SZRD1: variants seen among roughly 807,000 people sequenced by gnomAD.
SZRD1 encodes SUZ RNA-binding domain-containing.
SZRD1 carries 7 observed loss-of-function variants against 17.6 expected under a neutral mutation model. The observed-to-expected ratio is 0.40, with a 90% CI of 0.23 to 0.75. The LOEUF (loss-of-function observed/expected upper bound fraction) is 0.75. SZRD1 is among the 30% of genes least tolerant of loss of function. SZRD1 has a pLI of 0.38. For synonymous variants in SZRD1, 77 were observed against 77.9 expected (o/e 0.99, Z 0.06); for missense variants, 178 against 201.8 (o/e 0.88, Z 0.71).
Position 16,395,460 on chromosome 1 carries a change from T to A in SZRD1, c.*320T>A, listed in dbSNP as rs1196624665. On this transcript the variant is annotated 3_prime_UTR_variant, in exon 4 of 4. Transcript: ENST00000401088. The stretch of plus-strand genomic sequence containing the variant: ...GAGTCAGACAGTGCCACTTGGCCAC[T>A]TGGGGTAAAGCCAGTGCCAGCAATA... The A allele has an allele frequency of 1.1e-5, 4 of 375,760 alleles. No homozygotes were observed. In the East Asian group the frequency reaches 2.2e-4, roughly 21 times the overall value. 23.3% of individuals were successfully genotyped at this position (375,760 alleles called of 1,614,324 possible). A position where few individuals can be genotyped will look rare whatever the true frequency, so the allele number is the denominator to read the frequency against.
chr1:16,369,555 G>T (rs189402623), intron 1 of SZRD1: 146 of 711,040 alleles, frequency 2.1e-4, no homozygotes, highest in East Asian at 7.8e-4. Flanking sequence ...CAGAAAGCCA[G>T]AGTTCTTTCT....
chr1:16,383,348 G>A (rs2100726724), intron 1 of SZRD1, among the ~76,000 whole-genome samples: 1 of 151,978 alleles, frequency 6.6e-6, no homozygotes, highest in East Asian at 1.9e-4. Context: ...AGCCTCCCAA[G>A]TAGCTGGGAC....
chr1:16,374,869 A>G (rs533332703), intron 1 of SZRD1, among the ~76,000 whole-genome samples: 8 of 150,772 alleles, frequency 5.3e-5, no homozygotes, highest in Admixed American at 1.3e-4. Flanking sequence ...TCTCTTCTTG[A>G]GTGTTTTTGT....
intron 1 of SZRD1, among the ~76,000 whole-genome samples, chr1:16,373,130 G>T (rs2082941070): frequency 6.6e-6 from 1 of 151,950 alleles, no homozygotes; most frequent in African/African-American, 2.4e-5. Flanking sequence ...AGTGGAAAGA[G>T]ATGAGACCAC....
intron 3 of SZRD1, among the ~76,000 whole-genome samples, chr1:16,394,548 C>T (rs1442577209): frequency 6.6e-6 from 1 of 152,322 alleles, no homozygotes; most frequent in Admixed American, 6.5e-5. Flanking sequence ...TGAATGTGCA[C>T]CACCGACCCT....
chr1:16,370,290 A>G lies in SZRD1; in HGVS notation c.51+2982A>G, dbSNP rs1005820442. Among the ~76,000 whole-genome samples, 8 of 150,788 alleles carry G rather than the reference A, an allele frequency of 5.3e-5. No homozygotes were observed. In the East Asian group the frequency reaches 7.8e-4, roughly 15 times the overall value. The stretch of plus-strand genomic sequence containing the variant: ...GCCCAGGCTGGAGTGCAGTGGCTCA[A>G]TCTCATCTCACTGCAACCTCTACCT... On this transcript the variant is annotated intron_variant, in intron 1 of 3. Coordinates refer to ENST00000401088, the MANE Select transcript of SZRD1 (RefSeq NM_001114600.3).
chr1:16,375,857 C>A (rs1223443442), intron 1 of SZRD1, among the ~76,000 whole-genome samples: 1 of 152,214 alleles, frequency 6.6e-6, no homozygotes, highest in African/African-American at 2.4e-5. Context: ...ACTGTCACCA[C>A]TCTTCACTGA....
At chr1:16,369,599 T>G (rs1339912630) in intron 1 of SZRD1, 2 of 613,602 alleles carry the variant, frequency 3.3e-6, no homozygotes, top group African/African-American at 1.9e-5. Context: ...CCTTTAAAAA[T>G]GTACCGCGGC....
intron 1 of SZRD1, among the ~76,000 whole-genome samples, chr1:16,378,349 G>C (rs1288969498): frequency 3.5e-5 from 5 of 143,776 alleles, no homozygotes; most frequent in Non-Finnish European, 7.5e-5. Flanking sequence ...GCAGTGGTGT[G>C]ATCAGCTCAC....
Position 16,393,191 on chromosome 1 carries a change from G to A in SZRD1, c.102-37G>A, listed in dbSNP as rs776355896. ...ACATGGACAGGGCCTCCTTAGTCAG[G>A]AGCATGATTTGTGAAGCTGTGTTTG... On this transcript the variant is annotated intron_variant, in intron 2 of 3. Transcript: ENST00000401088. The surrounding 1 kb of genome is among the most constrained non-coding windows in gnomAD (Gnocchi z 5.6). The A allele has an allele frequency of 1.7e-5, 27 of 1,607,300 alleles. No individual in the cohort carries two copies. Among genetic ancestry groups the A allele is most frequent in the Non-Finnish European group, 2.2e-5 (26 of 1,175,190 alleles).
chr1:16,375,087 A>C (rs2082977048), intron 1 of SZRD1, among the ~76,000 whole-genome samples: 1 of 152,128 alleles, frequency 6.6e-6, no homozygotes, highest in Non-Finnish European at 1.5e-5. Context: ...TGTGTTGGCT[A>C]GGCCGGTCTC....
In SZRD1 at chr1:16,395,155, A is replaced by C; in HGVS notation, c.*15A>C. 7 of 1,590,636 alleles carry C rather than the reference A, an allele frequency of 4.4e-6. 1 individual carries two copies. The South Asian group carries it at 6.6e-5, about 15-fold the overall frequency. On this transcript the variant is annotated 3_prime_UTR_variant, in exon 4 of 4. Transcript: ENST00000401088. ...AGCGCAGATAAATGCAGGCAAGAAA[A>C]GATGCCGCCGTTGCTGCCGTCACCG...
At chr1:16,386,675 A>C (rs934173090) in intron 1 of SZRD1, among the ~76,000 whole-genome samples, 1 of 152,146 alleles carries the variant, frequency 6.6e-6, no homozygotes, top group Non-Finnish European at 1.5e-5. Flanking sequence ...GCTGGCGTCC[A>C]GCTGGCCATC....
intron 1 of SZRD1, among the ~76,000 whole-genome samples, chr1:16,388,469 A>C (rs1415496950): frequency 6.6e-6 from 1 of 152,134 alleles, no homozygotes; most frequent in Non-Finnish European, 1.5e-5. Flanking sequence ...GTGTTAGACT[A>C]GATTTAAATC....
In SZRD1 at chr1:16,395,056, A is replaced by G. The variant is rs367934868; in HGVS notation, c.375A>G (p.Gln125=). 55 of 1,612,948 alleles carry G rather than the reference A, an allele frequency of 3.4e-5. 1 individual carries two copies. The highest frequency in any genetic ancestry group is 1.6e-4 in the East Asian group (7 of 44,868). The change falls in exon 4 of 4, where the codon CAA becomes CAG. Residue 125 remains glutamine, a synonymous_variant. Coordinates refer to ENST00000401088, the MANE Select transcript of SZRD1 (RefSeq NM_001114600.3). ...PILDRPTRIS[Q]PEDSRQPNNV... is the part of the protein sequence containing the mutation. ...CTTTCAGGCCAACCAGGATCTCCCA[A>G]CCCGAAGACAGCAGGCAGCCCAATA...
intron 1 of SZRD1, among the ~76,000 whole-genome samples, chr1:16,378,365 CCTCCGCCTCCCA>C (rs1202273543): frequency 2.7e-5 from 4 of 147,244 alleles, no homozygotes; most frequent in Admixed American, 7.0e-5. Flanking sequence ...CTCACTGCAA[CCTCCGCCTCCCA>C]GGTTTGAGCA....
At chr1:16,387,370 A>T (rs929305468) in intron 1 of SZRD1, 47 of 453,808 alleles carry the variant, frequency 1.0e-4, no homozygotes, top group Non-Finnish European at 1.9e-4. Flanking sequence ...AATTCACTCT[A>T]ATGTGTGAGG....
chr1:16,378,611 C>T (rs189845911), intron 1 of SZRD1, among the ~76,000 whole-genome samples: 5 of 151,822 alleles, frequency 3.3e-5, no homozygotes, highest in Admixed American at 1.3e-4. Flanking sequence ...GCTTTAAGAT[C>T]GGGGCCTTGG....
Position 16,370,225 on chromosome 1 carries a change from C to CT in SZRD1, c.51+2931dup, listed in dbSNP as rs557535183. 0.012 allele frequency among the ~76,000 whole-genome samples: 1,785 copies of CT among 143,408 alleles called. 82 individuals are homozygous for CT. The East Asian group carries it at 0.16, about 13-fold the overall frequency. The allele number at this position is 143,408 out of a possible 152,430, so 94.1% of individuals were successfully genotyped here. On this transcript the variant is annotated intron_variant, in intron 1 of 3. Coordinates refer to ENST00000401088, the MANE Select transcript of SZRD1 (RefSeq NM_001114600.3). ...TGGGAATTGGGTGTTCTTTCTTTTCCTTTTTTTTTTTTTTGTTTGAGAGAA... is the reference window on the plus strand; with the variant it reads ...TGGGAATTGGGTGTTCTTTCTTTTCCTTTTTTTTTTTTTTTGTTTGAGAGAA...
Sources: gnomAD v4.1 joint callset for allele counts (sites outside exome capture counted in the v4.1 genomes callset) on GRCh38, gnomAD v4.1.1 for gene constraint, Gnocchi (gnomAD v3.1) non-coding constraint, MANE v1.5 for transcripts, NCBI Gene and HGNC (gene_info 2026-07-23, HGNC 2026-07-21) for gene names.